Variants in POLI observed in about 807,000 individuals in gnomAD.
POLI encodes RAD30 homolog B.
Under a neutral mutation model 51.6 loss-of-function variants are expected in POLI, and 58 were observed. The ratio of observed to expected loss-of-function variants is 1.12; its 90% CI spans 0.91 to 1.40. The LOEUF is 1.40. Among genes scored for constraint, POLI ranks in the 40% most tolerant of loss-of-function variants. POLI has a pLI of 0.00. For synonymous variants in POLI, 322 were observed against 299.7 expected (o/e 1.07, Z -0.77); for missense variants, 921 against 871.3 (o/e 1.06, Z -0.72).
In POLI at chr18:54,315,962, C is replaced by T. The variant is rs1475043746; in HGVS notation, c.334-4311C>T. Among the ~76,000 whole-genome samples the T allele has an allele frequency of 2.0e-5, 3 of 151,744 alleles. No homozygotes were observed. In the East Asian group the frequency reaches 5.8e-4, roughly 29 times the overall value. The stretch of plus-strand genomic sequence containing the variant: ...ACAGGGTCTTCCTTTGTTGCCTAGA[C>T]TGGAATGCAGTGCTGTGCTTATAGC... On this transcript the variant is annotated intron_variant, in intron 3 of 4. Coordinates refer to the POLI transcript ENST00000579823.
chr18:54,299,050 ACAT>A (rs1210908901), downstream of POLI, among the ~76,000 whole-genome samples: 5 of 152,214 alleles, frequency 3.3e-5, no homozygotes, highest in South Asian at 8.3e-4. Flanking sequence ...CATCTATGAA[ACAT>A]CATAGCTTAG....
Position 54,287,358 on chromosome 18 carries a change from G to T in POLI, c.1145G>T (p.Arg382Leu), listed in dbSNP as rs747076292. 6.2e-7 allele frequency: 1 copy of T among 1,602,184 alleles called. No individual in the cohort carries two copies. Among genetic ancestry groups the T allele is most frequent in the Non-Finnish European group, 8.5e-7 (1 of 1,172,280 alleles). The change falls in exon 8 of 10, where the codon CGT becomes CTT. Residue 382 changes from arginine to leucine, a missense_variant. By Grantham distance (102) the Arg-to-Leu change is moderately radical (BLOSUM62 -2). Transcript: ENST00000579534. ...TATTCCTCTGAGAAGCACTATGGTC[G>T]TGAGAGTCGTCAGTGCCCTATTCCT... ...RRYSSEKHYG[R>L]ESRQCPIPSH...
chr18:54,312,965 A>G (rs888053716), intron 3 of POLI, among the ~76,000 whole-genome samples: 10 of 152,128 alleles, frequency 6.6e-5, no homozygotes, highest in Non-Finnish European at 1.3e-4. Context: ...ATTAGGTCCC[A>G]CTTGTCAATT....
In POLI at chr18:54,298,186, G is replaced by T; in HGVS notation, c.*3719G>T. ...TAAATGAACATGTTAATGAGTAATT[G>T]TAACAACTATGTAACTGTCCAAGTC... On this transcript the variant is annotated 3_prime_UTR_variant, in exon 10 of 10. Transcript: ENST00000579534. 1 of 344,336 alleles carries T rather than the reference G, an allele frequency of 2.9e-6. No individual in the cohort carries two copies. Among genetic ancestry groups the T allele is most frequent in the Non-Finnish European group, 4.1e-6 (1 of 243,836 alleles). 21.3% of individuals were successfully genotyped at this position (344,336 alleles called of 1,614,324 possible). A position where few individuals can be genotyped will look rare whatever the true frequency, so the allele number is the denominator to read the frequency against.
chr18:54,299,251 AT>A (rs1401803162), downstream of POLI, among the ~76,000 whole-genome samples: 2 of 152,126 alleles, frequency 1.3e-5, no homozygotes, highest in African/African-American at 4.8e-5. Flanking sequence ...CCTGGGCAAC[AT>A]GGTGAAACCC....
chr18:54,319,457 A>T (rs2088769604), intron 3 of POLI, among the ~76,000 whole-genome samples: 1 of 152,186 alleles, frequency 6.6e-6, no homozygotes, highest in Non-Finnish European at 1.5e-5. Flanking sequence ...ATTTATATTT[A>T]GTTAAATATA....
chr18:54,309,150 G>A (rs1281499944), intron 3 of POLI, among the ~76,000 whole-genome samples: 3 of 152,182 alleles, frequency 2.0e-5, no homozygotes, highest in Non-Finnish European at 4.4e-5. Flanking sequence ...TGATACTTTG[G>A]AGGAGAAAGG....
downstream of POLI, among the ~76,000 whole-genome samples, chr18:54,298,403 C>G (rs2088430612): frequency 6.6e-6 from 1 of 152,214 alleles, no homozygotes; most frequent in African/African-American, 2.4e-5. Flanking sequence ...TGAGCTACCT[C>G]CATCCTAAAT....
intron 3 of POLI, among the ~76,000 whole-genome samples, chr18:54,310,853 G>A (rs975633593): frequency 3.3e-5 from 5 of 152,074 alleles, no homozygotes; most frequent in Non-Finnish European, 5.9e-5. Flanking sequence ...GAAGCTGAAG[G>A]AGTGAGTTCT....
At chr18:54,313,115 T>C (rs1483828322) in intron 3 of POLI, among the ~76,000 whole-genome samples, 1 of 152,158 alleles carries the variant, frequency 6.6e-6, no homozygotes, top group Admixed American at 6.5e-5. Flanking sequence ...CCATCTTGAG[T>C]TAATTTTGTG....
intron 3 of POLI, among the ~76,000 whole-genome samples, chr18:54,314,799 T>C (rs1439679399): frequency 1.3e-5 from 2 of 149,844 alleles, no homozygotes; most frequent in African/African-American, 2.5e-5. Context: ...TTCTGTGGGA[T>C]CAGTTGTAAT....
chr18:54,283,315 T>G (rs3730746), intron 6 of POLI, among the ~76,000 whole-genome samples: 9 of 152,188 alleles, frequency 5.9e-5, no homozygotes, highest in Non-Finnish European at 7.4e-5. Context: ...AATCTTGTTT[T>G]CAGAGTAGTC....
At chr18:54,279,926 G>A (rs1480853823) in intron 4 of POLI, among the ~76,000 whole-genome samples, 2 of 152,072 alleles carry the variant, frequency 1.3e-5, no homozygotes, top group Admixed American at 6.5e-5. Flanking sequence ...GCCTACTTAC[G>A]GGTAAATATG....
Position 54,296,390 on chromosome 18 carries a change from A to C in POLI, c.*1923A>C. 4 of 983,546 alleles carry C rather than the reference A, an allele frequency of 4.1e-6. No homozygotes were observed. Among genetic ancestry groups the C allele is most frequent in the Non-Finnish European group, 4.8e-6 (4 of 828,240 alleles). The allele number at this position is 983,546 out of a possible 1,614,324, so 60.9% of individuals were successfully genotyped here. On this transcript the variant is annotated 3_prime_UTR_variant, in exon 10 of 10. Coordinates refer to ENST00000579534, the MANE Select transcript of POLI (RefSeq NM_007195.3). ...TAGTCTCAACATCTTTGGGCCTCAG[A>C]ATCAACTTTTTTATGGGATCTTTTT...
chr18:54,284,145 C>G (rs2087643929), intron 7 of POLI, 132 bp downstream of exon 7: 1 of 506,268 alleles, frequency 2.0e-6, no homozygotes, highest in African/African-American at 2.0e-5. Context: ...AATAATTTAT[C>G]ATGGGATTTC....
At chr18:54,283,636 C>T (rs572986625) in intron 6 of POLI, 68 of 180,290 alleles carry the variant, frequency 3.8e-4, no homozygotes, top group Middle Eastern at 2.3e-3. Flanking sequence ...TACAATAAAG[C>T]TTGGAGTTGG....
At chr18:54,288,242 G>C in intron 8 of POLI, among the ~76,000 whole-genome samples, 1 of 152,248 alleles carries the variant, frequency 6.6e-6, no homozygotes, top group South Asian at 2.1e-4. Context: ...ATATAGTAGT[G>C]TGGTTTTTCT....
downstream of POLI, among the ~76,000 whole-genome samples, chr18:54,299,571 A>G (rs2088456255): frequency 6.6e-6 from 1 of 152,356 alleles, no homozygotes; most frequent in Non-Finnish European, 1.5e-5. Context: ...AAGTCAGAGC[A>G]ATAAATTATT....
rs752756815 is a variant in POLI at position 54,294,644 on chromosome 18, A to C, written c.*177A>C. 58 of 1,267,736 alleles carry C rather than the reference A, an allele frequency of 4.6e-5. No individual in the cohort carries two copies. The highest frequency in any genetic ancestry group is 5.5e-5 in the Non-Finnish European group (56 of 1,010,670). The allele number at this position is 1,267,736 out of a possible 1,614,324, so 78.5% of individuals were successfully genotyped here. A position where few individuals can be genotyped will look rare whatever the true frequency, so the allele number is the denominator to read the frequency against. ...CTGGCACAAAGCGTAAAAATATAAC[A>C]GAAGAAATAATGTAAAATACTATCT... On this transcript the variant is annotated 3_prime_UTR_variant, in exon 10 of 10. Transcript: ENST00000579534.
Sources: allele counts gnomAD v4.1 joint callset (sites outside exome capture counted in the v4.1 genomes callset), GRCh38; gene constraint gnomAD v4.1.1; transcripts MANE v1.5; gene names NCBI Gene and HGNC (gene_info 2026-07-23, HGNC 2026-07-21).